Variants in RNF185 observed in about 807,000 individuals in gnomAD.
RNF185 encodes ring finger protein 185.
A neutral mutation model predicts 24.9 loss-of-function variants in RNF185; 13 were observed. The observed-to-expected ratio is 0.52, with a 90% confidence interval of 0.34 to 0.83. The LOEUF (loss-of-function observed/expected upper bound fraction) is 0.83. RNF185 is among the 40% of genes least tolerant of loss of function. The pLI is 0.01. For missense variants in RNF185, 184 were observed against 244.7 expected, an observed-to-expected ratio of 0.75 and a Z score of 1.65; for synonymous variants, 79 against 90.3, an observed-to-expected ratio of 0.88 and a Z score of 0.71.
chr22:31,165,445 G>C (rs977155799), intron 1 of RNF185, among the ~76,000 whole-genome samples: 5 of 152,118 alleles, frequency 3.3e-5, no homozygotes, highest in Non-Finnish European at 7.4e-5. Context: ...TTTTGTAATT[G>C]AGTTATTTGT....
intron 1 of RNF185, among the ~76,000 whole-genome samples, chr22:31,178,984 C>T (rs1288591466): frequency 6.6e-6 from 1 of 152,158 alleles, no homozygotes; most frequent in Non-Finnish European, 1.5e-5. Context: ...CTTAGGCAGT[C>T]CTCTAATGTC....
intron 1 of RNF185, among the ~76,000 whole-genome samples, chr22:31,160,821 C>T (rs1236543869): frequency 6.6e-6 from 1 of 152,216 alleles, no homozygotes; most frequent in Non-Finnish European, 1.5e-5. Context: ...ACACCATCTG[C>T]TTTGTAATTC....
chr22:31,164,913 T>A (rs1402919592), intron 1 of RNF185, among the ~76,000 whole-genome samples: 1 of 151,106 alleles, frequency 6.6e-6, no homozygotes, highest in African/African-American at 2.4e-5. Context: ...ATTTTTTTTT[T>A]AATTGTTTGT....
intron 3 of RNF185, among the ~76,000 whole-genome samples, chr22:31,193,429 A>G (rs2048174262): frequency 6.6e-6 from 1 of 152,192 alleles, no homozygotes; most frequent in African/African-American, 2.4e-5. Context: ...TAAGAGTAGT[A>G]AATAAAATCA....
chr22:31,167,272 A>G (rs918302474), intron 1 of RNF185, among the ~76,000 whole-genome samples: 5 of 152,140 alleles, frequency 3.3e-5, no homozygotes, highest in East Asian at 3.9e-4. Context: ...GGCTCAAGCA[A>G]TCCTCTTGCC....
chr22:31,201,610 C>T lies in RNF185; in HGVS notation c.476C>T (p.Pro159Leu), dbSNP rs778398682. The change falls in exon 6 of 7, where the codon CCT (proline) becomes CTT (leucine). Residue 159 changes from proline to leucine, a missense_variant. Transcript: ENST00000326132. ...TAFNINDGRP[P>L]PAVPGTPQYV... ...TTTAATATAAATGATGGGCGGCCTC[C>T]TCCAGGTAAGACCCTATTTCCTTGA... 1.2e-6 allele frequency: 2 copies of T among 1,604,768 alleles called. No individual in the cohort carries two copies. Among genetic ancestry groups the T allele is most frequent in the Non-Finnish European group, 8.5e-7 (1 of 1,171,838 alleles).
intron 1 of RNF185, among the ~76,000 whole-genome samples, chr22:31,166,869 C>T (rs896805359): frequency 1.3e-5 from 2 of 152,052 alleles, no homozygotes; most frequent in African/African-American, 4.8e-5. Context: ...AGGCTGGTCT[C>T]GAACTCCTGA....
intron 1 of RNF185, among the ~76,000 whole-genome samples, chr22:31,184,595 G>A (rs1006148915): frequency 1.3e-5 from 2 of 152,166 alleles, no homozygotes; most frequent in Admixed American, 1.3e-4. Context: ...AGCGATCCGA[G>A]ATCACGCCAC....
At position 31,187,292 on chromosome 22, in the gene RNF185, C is replaced by G. The variant is rs763591796; in HGVS notation, c.176+22C>G. ...TCTGGTCAGTACCCCTACTTCCACC[C>G]CAGAGAGCACATTGCCAAGTTTGGA... is the stretch of plus-strand genomic sequence containing the variant. On this transcript the variant is annotated intron_variant, in intron 2 of 6. Transcript: ENST00000326132. The G allele has an allele frequency of 5.0e-6, 8 of 1,611,998 alleles. No individual in the cohort carries two copies. In the Admixed American group the frequency reaches 1.2e-4, roughly 24 times the overall value.
At chr22:31,196,154 C>T (rs1568972073) in intron 4 of RNF185, among the ~76,000 whole-genome samples, 1 of 152,146 alleles carries the variant, frequency 6.6e-6, no homozygotes, top group African/African-American at 2.4e-5. Context: ...TATTTGCTCT[C>T]TCTTCTGCCT....
At chr22:31,199,319 G>A (rs181412876) in intron 5 of RNF185, among the ~76,000 whole-genome samples, 35 of 152,236 alleles carry the variant, frequency 2.3e-4, no homozygotes, top group Admixed American at 2.0e-3. Flanking sequence ...AGGGCCACAC[G>A]TACAGTGCTG....
At chr22:31,184,685 T>A (rs1195650985) in intron 1 of RNF185, among the ~76,000 whole-genome samples, 1 of 152,180 alleles carries the variant, frequency 6.6e-6, no homozygotes, top group Non-Finnish European at 1.5e-5. Flanking sequence ...AGGCCGAGGC[T>A]GGCAGACCAC....
intron 1 of RNF185, among the ~76,000 whole-genome samples, chr22:31,183,863 T>C (rs1263459614): frequency 6.6e-6 from 1 of 152,184 alleles, no homozygotes; most frequent in African/African-American, 2.4e-5. Context: ...AAAACCGCTA[T>C]TGTCATCATG....
chr22:31,198,327 C>T (rs1052034147), intron 5 of RNF185, among the ~76,000 whole-genome samples: 2 of 150,568 alleles, frequency 1.3e-5, no homozygotes, highest in Non-Finnish European at 3.0e-5. Flanking sequence ...TTTTCCTCAT[C>T]GAAGGACCTT....
chr22:31,192,829 C>T (rs2048168796), intron 3 of RNF185, 127 bp downstream of exon 3: 1 of 821,666 alleles, frequency 1.2e-6, no homozygotes, highest in Non-Finnish European at 2.1e-6. Flanking sequence ...TTACTTACCC[C>T]CACAGCCTTC....
intron 1 of RNF185, among the ~76,000 whole-genome samples, chr22:31,178,489 G>C (rs1349694658): frequency 6.6e-6 from 1 of 152,194 alleles, no homozygotes; most frequent in East Asian, 1.9e-4. Context: ...TCTAGGTCCA[G>C]ATCCTATTTA....
intron 1 of RNF185, among the ~76,000 whole-genome samples, chr22:31,160,538 G>A (rs2147910748): frequency 6.6e-6 from 1 of 152,346 alleles, no homozygotes; most frequent in South Asian, 2.1e-4. Context: ...GCTCCCACAA[G>A]CTCTCCTTTC....
intron 1 of RNF185, among the ~76,000 whole-genome samples, chr22:31,172,514 C>T (rs192784790): frequency 1.0e-3 from 150 of 150,752 alleles, no homozygotes; most frequent in Middle Eastern, 3.5e-3. Flanking sequence ...TTTGGGAGGC[C>T]GAGGCAGGCG....
At chr22:31,179,024 G>A (rs891002852) in intron 1 of RNF185, among the ~76,000 whole-genome samples, 2 of 152,168 alleles carry the variant, frequency 1.3e-5, no homozygotes, top group Non-Finnish European at 2.9e-5. Context: ...CTGTAAAATG[G>A]CATGAGGATA....
Sources: gnomAD v4.1 joint callset for allele counts (sites outside exome capture counted in the v4.1 genomes callset) on GRCh38, gnomAD v4.1.1 for gene constraint, MANE v1.5 for transcripts, NCBI Gene and HGNC (gene_info 2026-07-23, HGNC 2026-07-21) for gene names.